Variants in TCF7L1 observed in about 807,000 individuals in gnomAD.
TCF7L1 encodes transcription factor 7-like 1.
In TCF7L1, 18 loss-of-function variants were observed where a neutral mutation model predicts 63.7. The ratio of observed to expected loss-of-function variants is 0.28; its 90% CI spans 0.20 to 0.42. TCF7L1 has a LOEUF of 0.42. TCF7L1 is among the 10% of genes least tolerant of loss of function. TCF7L1 has a pLI of 1.00. For synonymous variants in TCF7L1, 355 were observed against 340.9 expected, an observed-to-expected ratio of 1.04 and a Z score of -0.46; for missense variants, 654 against 779.3, an observed-to-expected ratio of 0.84 and a Z score of 1.91.
chr2:85,210,300 G>A (rs1407583905), intron 3 of TCF7L1, among the ~76,000 whole-genome samples: 1 of 152,210 alleles, frequency 6.6e-6, no homozygotes, highest in Non-Finnish European at 1.5e-5. Flanking sequence ...TGCTGGGGAG[G>A]CTGAGGGCCC....
chr2:85,195,671 C>T (rs889062814), intron 3 of TCF7L1, among the ~76,000 whole-genome samples: 4 of 151,996 alleles, frequency 2.6e-5, no homozygotes, highest in South Asian at 2.1e-4. Context: ...TGCAGCCTCC[C>T]GAGTAGCTGG....
At chr2:85,230,966 TC>T (rs751890828) in intron 3 of TCF7L1, among the ~76,000 whole-genome samples, 3 of 152,194 alleles carry the variant, frequency 2.0e-5, no homozygotes, top group Non-Finnish European at 2.9e-5. Flanking sequence ...TTTGGACAGA[TC>T]CCTGTGTCTT....
intron 4 of TCF7L1, among the ~76,000 whole-genome samples, chr2:85,292,829 T>C (rs1681757559): frequency 6.6e-6 from 1 of 152,170 alleles, no homozygotes; most frequent in Non-Finnish European, 1.5e-5. Context: ...CTGGCTGCCT[T>C]AGCCTCCCAA....
Position 85,133,536 on chromosome 2 carries a change from G to A in TCF7L1, c.-149G>A, listed in dbSNP as rs1677504504. On this transcript the variant is annotated 5_prime_UTR_variant, in exon 1 of 12. Coordinates refer to ENST00000282111, the MANE Select transcript of TCF7L1 (RefSeq NM_031283.3). This position sits in a 1 kb window ranked among gnomAD's most constrained non-coding sequence, Gnocchi z 4.4. ...GCCCCGGCCGGGCAGCGCCGGGCCCGCTTCCCGCGGGGCCACGCCCTGTCA... is the reference window on the plus strand; with the variant it reads ...GCCCCGGCCGGGCAGCGCCGGGCCCACTTCCCGCGGGGCCACGCCCTGTCA... 3 of 177,720 alleles carry A rather than the reference G, an allele frequency of 1.7e-5. No homozygotes were observed. Among genetic ancestry groups the A allele is most frequent in the African/African-American group, 2.4e-5 (1 of 41,538 alleles). 11.0% of individuals were successfully genotyped at this position (177,720 alleles called of 1,614,324 possible). A position where few individuals can be genotyped will look rare whatever the true frequency, so the allele number is the denominator to read the frequency against.
chr2:85,148,791 T>TTTTA (rs11385169), intron 3 of TCF7L1, among the ~76,000 whole-genome samples: 2 of 148,342 alleles, frequency 1.3e-5, no homozygotes, highest in South Asian at 2.1e-4. Flanking sequence ...TTTTTTTTTT[T>TTTTA]GAGACGGAGT....
intron 4 of TCF7L1, among the ~76,000 whole-genome samples, chr2:85,291,978 T>A: frequency 6.7e-6 from 1 of 150,090 alleles, no homozygotes; most frequent in Non-Finnish European, 1.5e-5. Context: ...AGTGCTGAGT[T>A]TACTGGTCAT....
At chr2:85,246,732 A>T (rs766474873) in intron 3 of TCF7L1, among the ~76,000 whole-genome samples, 2 of 151,962 alleles carry the variant, frequency 1.3e-5, no homozygotes, top group Non-Finnish European at 2.9e-5. Flanking sequence ...CAGAATTGCA[A>T]TCCTAAGGAC....
chr2:85,213,242 G>A (rs1679616228), intron 3 of TCF7L1, among the ~76,000 whole-genome samples: 1 of 152,122 alleles, frequency 6.6e-6, no homozygotes, highest in South Asian at 2.1e-4. Flanking sequence ...ATTAAACTTC[G>A]AAATGCAGAA....
chr2:85,289,976 G>GTT (rs11291687), intron 4 of TCF7L1, among the ~76,000 whole-genome samples: 56 of 139,866 alleles, frequency 4.0e-4, no homozygotes, highest in Admixed American at 5.0e-4. Context: ...GCCTAGCCCA[G>GTT]TTTTTTTTTT....
At chr2:85,277,566 G>T (rs548066036) in intron 3 of TCF7L1, among the ~76,000 whole-genome samples, 1 of 152,252 alleles carries the variant, frequency 6.6e-6, no homozygotes, top group South Asian at 2.1e-4. Context: ...AGGAAGGACC[G>T]GTCACCAAAA....
In TCF7L1 at chr2:85,306,601, A is replaced by G; in HGVS notation, c.1257+42A>G. The G allele has an allele frequency of 3.3e-6, 5 of 1,526,120 alleles. No individual in the cohort carries two copies. The highest frequency in any genetic ancestry group is 1.4e-5 in the African/African-American group (1 of 73,234). 94.5% of individuals were successfully genotyped at this position (1,526,120 alleles called of 1,614,324 possible). A position where few individuals can be genotyped will look rare whatever the true frequency, so the allele number is the denominator to read the frequency against. On this transcript the variant is annotated intron_variant, in intron 10 of 11. Transcript: ENST00000282111. This position sits in a 1 kb window ranked among gnomAD's most constrained non-coding sequence, Gnocchi z 4.3. The stretch of plus-strand genomic sequence containing the variant: ...GGCAGAGGACGCTCAGACCCCAGGA[A>G]CAGCCTCTGCAAGAGGAGGAAGGGT...
At chr2:85,304,857 T>A (rs1682070393) in intron 7 of TCF7L1, among the ~76,000 whole-genome samples, 1 of 152,178 alleles carries the variant, frequency 6.6e-6, no homozygotes, top group South Asian at 2.1e-4. Context: ...GAATTTTTCC[T>A]GAAATGATGT....
At chr2:85,173,660 C>T (rs1678605278) in intron 3 of TCF7L1, among the ~76,000 whole-genome samples, 2 of 152,106 alleles carry the variant, frequency 1.3e-5, no homozygotes, top group South Asian at 4.1e-4. Context: ...GCAGTTGGAA[C>T]TATAGGCACA....
chr2:85,210,691 G>A (rs528885958), intron 3 of TCF7L1, among the ~76,000 whole-genome samples: 3 of 152,282 alleles, frequency 2.0e-5, no homozygotes, highest in Admixed American at 6.5e-5. Context: ...TCCATGGGGC[G>A]TGGCAAGGGA....
chr2:85,238,633 A>G (rs888996018), intron 3 of TCF7L1, among the ~76,000 whole-genome samples: 1 of 152,032 alleles, frequency 6.6e-6, no homozygotes, highest in African/African-American at 2.4e-5. Flanking sequence ...TGGATATCAC[A>G]TTCTGCTGGG....
rs1486563089 is a variant in TCF7L1 at position 85,302,523 on chromosome 2, C to G, written c.565C>G (p.His189Asp). The change falls in exon 5 of 12, where the codon CAT becomes GAT. Residue 189 changes from histidine (H) to aspartate (D), a missense_variant. Coordinates refer to ENST00000282111, the MANE Select transcript of TCF7L1 (RefSeq NM_031283.3). The part of the protein sequence containing the change: ...VPVVQHPHHM[H>D]PLTPLITYSN... Reference sequence around the variant, plus strand: ...TGTCGTTCAGCACCCGCATCACATGCATCCGCTGACTCCCCTCATCACCTA... The same window carrying G: ...TGTCGTTCAGCACCCGCATCACATGGATCCGCTGACTCCCCTCATCACCTA... 1 of 1,614,198 alleles carries G rather than the reference C, an allele frequency of 6.2e-7. No individual in the cohort carries two copies. Among genetic ancestry groups the G allele is most frequent in the Non-Finnish European group, 8.5e-7 (1 of 1,180,038 alleles).
At chr2:85,295,198 TTTTGC>T in intron 4 of TCF7L1, among the ~76,000 whole-genome samples, 1 of 152,028 alleles carries the variant, frequency 6.6e-6, no homozygotes, top group East Asian at 1.9e-4. Context: ...TTTTGTTTTG[TTTTGC>T]TTTGTTTTGT....
chr2:85,265,649 C>T (rs1680950634), intron 3 of TCF7L1, among the ~76,000 whole-genome samples: 1 of 152,184 alleles, frequency 6.6e-6, no homozygotes, highest in Non-Finnish European at 1.5e-5. Context: ...TCACATTTTT[C>T]CAGGCCCTAA....
rs1212324777 is a variant in TCF7L1, at chr2:85,133,690, C to T, written c.6C>T (p.Pro2=). The change falls in exon 1 of 12, where the codon CCC becomes CCT. Residue 2 remains proline (P), a synonymous_variant. Coordinates refer to ENST00000282111, the MANE Select transcript of TCF7L1 (RefSeq NM_031283.3). This position sits in a 1 kb window ranked among gnomAD's most constrained non-coding sequence, Gnocchi z 4.4. ...CCCCGGCCCGCGGCCCCACCATGCC[C>T]CAGCTCGGCGGCGGGGGCGGCGGCG... M[P]QLGGGGGGGG... 4.0e-6 allele frequency: 4 copies of T among 995,308 alleles called. No homozygotes were observed. Among genetic ancestry groups the T allele is most frequent in the Admixed American group, 1.2e-4 (2 of 16,256 alleles). The allele number at this position is 995,308 out of a possible 1,614,324, so 61.7% of individuals were successfully genotyped here.
Sources: allele counts gnomAD v4.1 joint callset (sites outside exome capture counted in the v4.1 genomes callset), GRCh38; gene constraint gnomAD v4.1.1; non-coding constraint Gnocchi (gnomAD v3.1); transcripts MANE v1.5; gene names NCBI Gene and HGNC (gene_info 2026-07-23, HGNC 2026-07-21).